QTRT2: variants seen among roughly 807,000 people sequenced by gnomAD.
The protein encoded by QTRT2 is queuine tRNA-ribosyltransferase domain containing 1.
QTRT2 carries 32 observed loss-of-function variants against 44.8 expected under a neutral mutation model. The observed-to-expected ratio is 0.71, with a 90% CI of 0.54 to 0.96. QTRT2 has a LOEUF of 0.96. Ranked by LOEUF, QTRT2 falls within the 40% of genes least tolerant of loss-of-function variation. The pLI, the probability that QTRT2 is intolerant of heterozygous loss-of-function variation, is 0.00. For synonymous variants in QTRT2, 182 were observed against 187.4 expected (o/e 0.97, Z 0.24); for missense variants, 461 against 503.1 (o/e 0.92, Z 0.80).
In QTRT2 at chr3:114,070,844, G is replaced by A. The variant is rs2077015698; in HGVS notation, c.546+6G>A. 3.1e-6 allele frequency: 5 copies of A among 1,611,354 alleles called. No homozygotes were observed. Among genetic ancestry groups the A allele is most frequent in the Non-Finnish European group, 4.2e-6 (5 of 1,178,420 alleles). ...GGCTGCAGGAAGAGTCAGAGGTAAG[G>A]CTGTGCCACTAACCACTCCTTTCTC... is the stretch of plus-strand genomic sequence containing the variant. On this transcript the variant is annotated splice_donor_region_variant and intron_variant, in intron 6 of 9. Coordinates refer to ENST00000281273, the MANE Select transcript of QTRT2 (RefSeq NM_024638.4).
Position 114,088,404 on chromosome 3 carries a change from A to G in QTRT2, c.*2500A>G, listed in dbSNP as rs932251514. On this transcript the variant is annotated 3_prime_UTR_variant, in exon 10 of 10. Transcript: ENST00000281273. Reference sequence around the variant, plus strand: ...GTAGGTCTGTTAAACAAAATATTAAATTTCCATAGTACCAGAAATGTTGTA... The same window carrying G: ...GTAGGTCTGTTAAACAAAATATTAAGTTTCCATAGTACCAGAAATGTTGTA... The G allele has an allele frequency of 6.6e-6, 1 of 152,176 alleles. No homozygotes were observed. The allele number at this position is 152,176 out of a possible 1,614,324, so 9.4% of individuals were successfully genotyped here.
rs2077013676 is a variant in QTRT2 at position 114,070,708 on chromosome 3, A to G, written c.416A>G (p.Asp139Gly). The change falls in exon 6 of 10, where the codon GAC (aspartate) becomes GGC (glycine). Residue 139 changes from aspartate (D) to glycine (G), a missense_variant. Asp to Gly is a moderately conservative substitution (Grantham distance 94). Transcript: ENST00000281273. ...GCAATTCAGAAGGCCCTTCAGCCAG[A>G]CTGGTTCCAGTGCCTCTCCGATGGA... ...FMAIQKALQP[D>G]WFQCLSDGEV... The G allele has an allele frequency of 6.2e-7, 1 of 1,614,044 alleles. No homozygotes were observed. The highest frequency in any genetic ancestry group is 1.1e-5 in the South Asian group (1 of 91,088).
rs1271561672 is a variant in QTRT2, at chr3:114,076,851, C to A, written c.655C>A (p.Leu219Met). 6.2e-7 allele frequency: 1 copy of A among 1,614,206 alleles called. No homozygotes were observed. Among genetic ancestry groups the A allele is most frequent in the Non-Finnish European group, 8.5e-7 (1 of 1,180,042 alleles). Residue 219 changes from leucine (L) to methionine (M), a missense_variant, in exon 7 of 10, where the codon CTG (leucine) becomes ATG (methionine). By Grantham distance (15) the Leu-to-Met change is conservative. Transcript: ENST00000281273. The stretch of plus-strand genomic sequence containing the variant: ...CAAGCGGCCTGTGGGTGGCTTCCTT[C>A]TGGATGGTTTTCAAGGAAATCCAAC... ...TAKRPVGGFL[L>M]DGFQGNPTTL...
chr3:114,059,372 G>A (rs1559945236), intron 2 of QTRT2, among the ~76,000 whole-genome samples: 1 of 152,198 alleles, frequency 6.6e-6, no homozygotes, highest in Non-Finnish European at 1.5e-5. Context: ...TTTGGAGACT[G>A]TTGATCTGTT....
intron 3 of QTRT2, 60 bp downstream of exon 3, chr3:114,065,517 T>A: frequency 7.8e-7 from 1 of 1,275,802 alleles, no homozygotes; most frequent in African/African-American, 1.5e-5. Context: ...TTACCTTAGG[T>A]GCAAAAAAGA....
intron 2 of QTRT2, among the ~76,000 whole-genome samples, chr3:114,062,641 T>G (rs1253880263): frequency 6.6e-6 from 1 of 152,160 alleles, no homozygotes; most frequent in Non-Finnish European, 1.5e-5. Context: ...GGGTTTGTTG[T>G]TTTTACCTGG....
In QTRT2 at chr3:114,085,912, C is replaced by T. The variant is rs766363583; in HGVS notation, c.*8C>T. 6 of 1,598,908 alleles carry T rather than the reference C, an allele frequency of 3.8e-6. No individual in the cohort carries two copies. Among genetic ancestry groups the T allele is most frequent in the African/African-American group, 1.3e-5 (1 of 74,650 alleles). ...CACAGGCAAGCATCTTGAGATCTTG[C>T]AAATACAAGTCTCACTCTTCACACT... On this transcript the variant is annotated 3_prime_UTR_variant, in exon 10 of 10. Coordinates refer to ENST00000281273, the MANE Select transcript of QTRT2 (RefSeq NM_024638.4).
Position 114,056,857 on chromosome 3 carries a change from G to A in QTRT2, c.-137G>A. On this transcript the variant is annotated 5_prime_UTR_variant, in exon 1 of 10. Transcript: ENST00000281273. ...GAAGACTGAAAGAGTCGAATGGTTT[G>A]TTGGCAGGTAAGTGCCCCTTTGCCC... is the stretch of plus-strand genomic sequence containing the variant. The A allele has an allele frequency of 1.3e-6, 2 of 1,535,998 alleles. No individual in the cohort carries two copies. Among genetic ancestry groups the A allele is most frequent in the East Asian group, 4.9e-5 (2 of 40,920 alleles).
chr3:114,059,140 G>A (rs1240776289), intron 2 of QTRT2, among the ~76,000 whole-genome samples: 1 of 152,204 alleles, frequency 6.6e-6, no homozygotes, highest in Non-Finnish European at 1.5e-5. Flanking sequence ...CACTGGAAGT[G>A]TTAGGACAGG....
chr3:114,076,144 A>G (rs2077087508), intron 6 of QTRT2, among the ~76,000 whole-genome samples: 1 of 151,888 alleles, frequency 6.6e-6, no homozygotes, highest in African/African-American at 2.4e-5. Context: ...TTCCTCTTGA[A>G]CCTGTTTAGT....
intron 6 of QTRT2, among the ~76,000 whole-genome samples, chr3:114,072,733 G>A (rs576244600): frequency 6.6e-6 from 1 of 152,228 alleles, no homozygotes; most frequent in African/African-American, 2.4e-5. Flanking sequence ...TATATTACCT[G>A]GGTTAGGGAT....
chr3:114,064,247 A>G (rs1357543753), intron 2 of QTRT2, among the ~76,000 whole-genome samples: 2 of 152,012 alleles, frequency 1.3e-5, no homozygotes, highest in African/African-American at 4.8e-5. Flanking sequence ...AAGAAAAGAA[A>G]ATTGGATCCT....
intron 9 of QTRT2, among the ~76,000 whole-genome samples, chr3:114,083,924 T>C (rs985587976): frequency 6.6e-6 from 1 of 152,180 alleles, no homozygotes; most frequent in African/African-American, 2.4e-5. Flanking sequence ...CTACTAAAAT[T>C]CCCTTTATGT....
chr3:114,087,086 T>A lies in QTRT2; in HGVS notation c.*1182T>A, dbSNP rs1441105721. ...ATTCTTTCTAAGTTACCTCTGTATTTTTCAAGTTTTCTATAAGGAATACAC... is the reference window on the plus strand; with the variant it reads ...ATTCTTTCTAAGTTACCTCTGTATTATTCAAGTTTTCTATAAGGAATACAC... On this transcript the variant is annotated 3_prime_UTR_variant, in exon 10 of 10. Transcript: ENST00000281273. The A allele has an allele frequency of 6.6e-6, 1 of 152,156 alleles. No homozygotes were observed. The highest frequency in any genetic ancestry group is 6.6e-5 in the Admixed American group (1 of 15,252). 9.4% of individuals were successfully genotyped at this position (152,156 alleles called of 1,614,324 possible).
intron 6 of QTRT2, among the ~76,000 whole-genome samples, chr3:114,076,502 T>C (rs944205861): frequency 1.3e-5 from 2 of 152,216 alleles, no homozygotes; most frequent in African/African-American, 4.8e-5. Context: ...CAAGACTGCA[T>C]ATGTTGAATG....
intron 2 of QTRT2, 89 bp downstream of exon 2, chr3:114,057,195 G>A: frequency 1.8e-6 from 1 of 554,532 alleles, no homozygotes; most frequent in Non-Finnish European, 2.5e-6. Flanking sequence ...AGGGAGGTCT[G>A]GGGCCATGGA....
chr3:114,057,100 C>T lies in QTRT2; in HGVS notation c.-28C>T. The T allele has an allele frequency of 7.4e-7, 1 of 1,345,426 alleles. No homozygotes were observed. The highest frequency in any genetic ancestry group is 9.5e-7 in the Non-Finnish European group (1 of 1,050,204). 83.3% of individuals were successfully genotyped at this position (1,345,426 alleles called of 1,614,324 possible). ...AAGGGCCCCTTTCGACTAGCCTCTG[C>T]TGAAAGGTAGAGTTTTCAGGAAGTT... On this transcript the variant is annotated 5_prime_UTR_variant, in exon 2 of 10. Transcript: ENST00000281273.
rs763971589 is a variant in QTRT2, at chr3:114,076,927, C to T, written c.731C>T (p.Pro244Leu). Residue 244 changes from proline to leucine, a missense_variant, in exon 7 of 10, where the codon CCG becomes CTG. Transcript: ENST00000281273. ...CTGTCATCAGTCACTGCAGAGCTGC[C>T]GGAGGACAAGCCAAGGCCAGTGTTC... ...RLLSSVTAELPEDKPRLISGV... is the reference protein window; with the variant it reads ...RLLSSVTAELLEDKPRLISGV... 3.8e-5 allele frequency: 62 copies of T among 1,613,862 alleles called. No homozygotes were observed. The highest frequency in any genetic ancestry group is 5.5e-5 in the South Asian group (5 of 91,064).
At chr3:114,058,543 T>C (rs1185967653) in intron 2 of QTRT2, among the ~76,000 whole-genome samples, 2 of 152,102 alleles carry the variant, frequency 1.3e-5, no homozygotes, top group Non-Finnish European at 2.9e-5. Context: ...TCTTCATTTC[T>C]TTTTTTTGAG....
Sources: allele counts gnomAD v4.1 joint callset (sites outside exome capture counted in the v4.1 genomes callset), GRCh38; gene constraint gnomAD v4.1.1; transcripts MANE v1.5; gene names NCBI Gene and HGNC (gene_info 2026-07-23, HGNC 2026-07-21).